FAF1: variants seen among roughly 807,000 people sequenced by gnomAD.
FAF1 encodes the protein FAS-associated factor 1.
Under a neutral mutation model 92.5 loss-of-function variants are expected in FAF1, and 25 were observed. That is an observed-to-expected ratio of 0.27 (90% confidence interval 0.20 to 0.38). The LOEUF (loss-of-function observed/expected upper bound fraction) is 0.38. FAF1 is among the 10% of genes least tolerant of loss of function. FAF1 has a pLI of 1.00. For synonymous variants in FAF1, 234 were observed against 273.2 expected (o/e 0.86, Z 1.42); for missense variants, 636 against 793.3 (o/e 0.80, Z 2.38).
At chr1:50,800,169 A>G (rs1053591547) in intron 3 of FAF1, among the ~76,000 whole-genome samples, 2 of 152,228 alleles carry the variant, frequency 1.3e-5, no homozygotes, top group Non-Finnish European at 2.9e-5. Context: ...TATTAAATAA[A>G]AAGTATAATC....
intron 6 of FAF1, among the ~76,000 whole-genome samples, chr1:50,708,350 T>A (rs1284522553): frequency 6.6e-6 from 1 of 152,022 alleles, no homozygotes; most frequent in Non-Finnish European, 1.5e-5. Context: ...TGATGGAGTG[T>A]GAGAGAAAAA....
chr1:50,452,138 T>A (rs72690463), intron 18 of FAF1: 28 of 1,349,924 alleles, frequency 2.1e-5, no homozygotes, highest in Non-Finnish European at 2.5e-5. Context: ...GAACATAAAA[T>A]GAATATACAA....
intron 1 of FAF1, among the ~76,000 whole-genome samples, chr1:50,920,723 T>C (rs1570141695): frequency 6.6e-6 from 1 of 152,142 alleles, no homozygotes; most frequent in South Asian, 2.1e-4. Context: ...ACATTCATAA[T>C]AAAAACTCTT....
chr1:50,576,783 T>TA (rs766453175), intron 12 of FAF1, among the ~76,000 whole-genome samples: 49 of 151,682 alleles, frequency 3.2e-4, no homozygotes, highest in Non-Finnish European at 6.0e-4. Flanking sequence ...ACTGGGACCA[T>TA]AAGCACATGC....
intron 1 of FAF1, among the ~76,000 whole-genome samples, chr1:50,875,355 C>A (rs1327215195): frequency 6.6e-6 from 1 of 152,058 alleles, no homozygotes; most frequent in Non-Finnish European, 1.5e-5. Context: ...CTAAATGGGG[C>A]TAACATATGT....
intron 17 of FAF1, 135 bp downstream of exon 17, chr1:50,490,452 GA>G: frequency 9.8e-6 from 3 of 306,800 alleles, no homozygotes; most frequent in African/African-American, 3.7e-5. Context: ...AGGAAGGAAG[GA>G]AGGAAGGAAA....
chr1:50,513,242 G>A (rs1438234516), intron 15 of FAF1, among the ~76,000 whole-genome samples: 2 of 152,164 alleles, frequency 1.3e-5, no homozygotes, highest in Non-Finnish European at 2.9e-5. Context: ...CACTTTGGGA[G>A]GCCAAGGCGG....
At chr1:50,875,025 C>T (rs977759488) in intron 1 of FAF1, among the ~76,000 whole-genome samples, 1 of 151,530 alleles carries the variant, frequency 6.6e-6, no homozygotes, top group African/African-American at 2.4e-5. Flanking sequence ...TCTTCCCTTC[C>T]CAGAAGTGTG....
chr1:50,688,083 C>T (rs552548257), intron 7 of FAF1, among the ~76,000 whole-genome samples: 4 of 150,992 alleles, frequency 2.6e-5, no homozygotes, highest in South Asian at 2.1e-4. Context: ...TGCAGGGAGC[C>T]GAGATCGCAC....
chr1:50,507,761 A>G (rs1647077694), intron 15 of FAF1, among the ~76,000 whole-genome samples: 1 of 152,160 alleles, frequency 6.6e-6, no homozygotes, highest in Non-Finnish European at 1.5e-5. Context: ...TTCTTTAGTG[A>G]TTTGAGCAGT....
At chr1:50,654,308 C>A (rs891132641) in intron 8 of FAF1, among the ~76,000 whole-genome samples, 17 of 152,212 alleles carry the variant, frequency 1.1e-4, no homozygotes, top group Non-Finnish European at 1.0e-4. Flanking sequence ...CTTTTTAGCC[C>A]TATTTATTTT....
At chr1:50,471,920 G>A (rs912769385) in intron 18 of FAF1, among the ~76,000 whole-genome samples, 1 of 152,114 alleles carries the variant, frequency 6.6e-6, no homozygotes, top group East Asian at 1.9e-4. Context: ...TGGAAAGATG[G>A]AGGAGAAGAT....
chr1:50,648,243 A>G (rs2124270586), intron 8 of FAF1, among the ~76,000 whole-genome samples: 1 of 152,298 alleles, frequency 6.6e-6, no homozygotes, highest in Non-Finnish European at 1.5e-5. Flanking sequence ...GGGTGACAAG[A>G]GTGAAACTCC....
chr1:50,841,462 GT>G (rs1644255640), intron 2 of FAF1, among the ~76,000 whole-genome samples: 1 of 151,928 alleles, frequency 6.6e-6, no homozygotes, highest in South Asian at 2.1e-4. Context: ...TTTCCATATA[GT>G]TTTAAATTTT....
At chr1:50,716,569 A>G (rs1220670172) in intron 6 of FAF1, among the ~76,000 whole-genome samples, 2 of 152,190 alleles carry the variant, frequency 1.3e-5, no homozygotes, top group Non-Finnish European at 1.5e-5. Context: ...TACACCAATC[A>G]GCTCTCTGTA....
At chr1:50,772,381 T>G (rs372902044) in intron 4 of FAF1, among the ~76,000 whole-genome samples, 7 of 152,208 alleles carry the variant, frequency 4.6e-5, no homozygotes, top group Middle Eastern at 3.4e-3. Flanking sequence ...CATCACACCA[T>G]AAAAGACACA....
intron 18 of FAF1, among the ~76,000 whole-genome samples, chr1:50,460,095 G>A (rs1646406835): frequency 6.6e-6 from 1 of 152,144 alleles, no homozygotes; most frequent in African/African-American, 2.4e-5. Context: ...CATAACAGGT[G>A]CTCAAAAATA....
At chr1:50,677,746 T>G (rs967326853) in intron 7 of FAF1, among the ~76,000 whole-genome samples, 9 of 151,662 alleles carry the variant, frequency 5.9e-5, no homozygotes, top group African/African-American at 2.2e-4. Context: ...AATACAAAAT[T>G]AGCTGGGCAT....
rs142939416 is a variant in FAF1 at position 50,615,958 on chromosome 1, C to T, written c.745-19742G>A. 1.7e-3 allele frequency among the ~76,000 whole-genome samples: 266 copies of T among 152,196 alleles called. 1 individual carries two copies. Among genetic ancestry groups the T allele is most frequent in the Middle Eastern group, 0.017 (5 of 294 alleles). ...CCCTTATTGAGAAGGGTATTTCCCA[C>T]GTTTTCTTCTGGGATTTTTATAGTT... On this transcript the variant is annotated intron_variant, in intron 8 of 18. Transcript: ENST00000396153.
Sources: allele counts gnomAD v4.1 joint callset (sites outside exome capture counted in the v4.1 genomes callset), GRCh38; gene constraint gnomAD v4.1.1; transcripts MANE v1.5; gene names NCBI Gene and HGNC (gene_info 2026-07-23, HGNC 2026-07-21).